The following ACTR6 variants were observed in gnomAD, a reference collection of about 807,000 sequenced individuals.
The protein encoded by ACTR6 is actin-related protein 6.
In ACTR6, 50 loss-of-function variants were observed where a neutral mutation model predicts 52.5. That is an observed-to-expected ratio of 0.95 (90% CI 0.76 to 1.20). ACTR6 has a LOEUF of 1.20. ACTR6 is among the 50% of genes most tolerant of loss of function. The pLI, the probability that ACTR6 is intolerant of heterozygous loss-of-function variation, is 0.00. For synonymous variants in ACTR6, 135 were observed against 147.2 expected, an observed-to-expected ratio of 0.92 and a Z score of 0.60; for missense variants, 344 against 472.4, an observed-to-expected ratio of 0.73 and a Z score of 2.52.
At chr12:100,210,954 G>A (rs1457883259) in intron 6 of ACTR6, among the ~76,000 whole-genome samples, 1 of 151,844 alleles carries the variant, frequency 6.6e-6, no homozygotes, top group Non-Finnish European at 1.5e-5. Flanking sequence ...GCTTTCCATC[G>A]CTATATGTTT....
At position 100,220,056 on chromosome 12, in the gene ACTR6, C is replaced by T. The variant is rs1470555661; in HGVS notation, c.971C>T (p.Ser324Phe). The T allele has an allele frequency of 1.2e-6, 2 of 1,613,750 alleles. No individual in the cohort carries two copies. ...AACATTGTCTTGACAGGAGGAAATTCCCTTTTCCCAGGATTTAGGGATCGG... is the reference window on the plus strand; with the variant it reads ...AACATTGTCTTGACAGGAGGAAATTTCCTTTTCCCAGGATTTAGGGATCGG... ...FKNIVLTGGN[S>F]LFPGFRDRVY... The change falls in exon 10 of 11, where the codon TCC (serine) becomes TTC (phenylalanine). Residue 324 changes from serine to phenylalanine, a missense_variant. Ser to Phe is a radical substitution (Grantham distance 155). Transcript: ENST00000188312.
chr12:100,201,221 C>T (rs1217614109), intron 1 of ACTR6, among the ~76,000 whole-genome samples: 1 of 152,200 alleles, frequency 6.6e-6, no homozygotes, highest in Non-Finnish European at 1.5e-5. Flanking sequence ...TAAAGTTCAT[C>T]AGCCTTTGGA....
intron 1 of ACTR6, chr12:100,204,317 C>G (rs2096112605): frequency 6.6e-6 from 1 of 152,246 alleles, no homozygotes; most frequent in East Asian, 1.9e-4. Flanking sequence ...AATATAGATG[C>G]TCATCACCAT....
At position 100,207,624 on chromosome 12, in the gene ACTR6, T is replaced by C. The variant is rs750366874; in HGVS notation, c.256-39T>C. ...ATGTAAAACAAGTGTTAATTATCAT[T>C]ACAAATTATGAAACATTTTGGAATG... On this transcript the variant is annotated intron_variant, in intron 3 of 10. Transcript: ENST00000188312. 10 of 1,381,872 alleles carry C rather than the reference T, an allele frequency of 7.2e-6. No homozygotes were observed. In the African/African-American group the frequency reaches 1.3e-4, roughly 18 times the overall value. The allele number at this position is 1,381,872 out of a possible 1,614,324, so 85.6% of individuals were successfully genotyped here. A position where few individuals can be genotyped will look rare whatever the true frequency, so the allele number is the denominator to read the frequency against.
At position 100,200,825 on chromosome 12, in the gene ACTR6, T is replaced by TA; in HGVS notation, c.-26dup. 1.2e-6 allele frequency: 2 copies of TA among 1,613,322 alleles called. No individual in the cohort carries two copies. Among genetic ancestry groups the TA allele is most frequent in the Non-Finnish European group, 1.7e-6 (2 of 1,179,294 alleles). On this transcript the variant is annotated 5_prime_UTR_variant, in exon 1 of 11. Coordinates refer to ENST00000188312, the MANE Select transcript of ACTR6 (RefSeq NM_022496.5). The stretch of plus-strand genomic sequence containing the variant: ...AGAGGGGTCGGAAAGGGAAAACAAC[T>TA]ACGGCTGCGGTGTGGTTGGTGGTGA...
intron 8 of ACTR6, among the ~76,000 whole-genome samples, chr12:100,213,786 A>G (rs1281423011): frequency 6.6e-6 from 1 of 152,244 alleles, no homozygotes; most frequent in African/African-American, 2.4e-5. Flanking sequence ...CAGCTCAGAT[A>G]AAATTACTTC....
At chr12:100,201,160 A>C in intron 1 of ACTR6, 1 of 1,092,348 alleles carries the variant, frequency 9.2e-7, no homozygotes, top group Non-Finnish European at 1.2e-6. Context: ...GTAACAGGAA[A>C]TAGCCAAAGA....
chr12:100,211,704 TA>T (rs1214829928), intron 6 of ACTR6, among the ~76,000 whole-genome samples: 1 of 152,160 alleles, frequency 6.6e-6, no homozygotes, highest in Non-Finnish European at 1.5e-5. Flanking sequence ...GCCATACATT[TA>T]GCCATTTTTT....
At chr12:100,214,087 C>T (rs2096122140) in intron 8 of ACTR6, among the ~76,000 whole-genome samples, 1 of 152,090 alleles carries the variant, frequency 6.6e-6, no homozygotes, top group Non-Finnish European at 1.5e-5. Flanking sequence ...CTGATTTTCA[C>T]AGAAAAGCAC....
intron 6 of ACTR6, among the ~76,000 whole-genome samples, chr12:100,211,621 T>TAA (rs1172567999): frequency 6.6e-6 from 1 of 151,702 alleles, no homozygotes; most frequent in East Asian, 1.9e-4. Flanking sequence ...CATGTCAGCT[T>TAA]AAAATATATA....
At chr12:100,209,476 A>G (rs146148593) in intron 4 of ACTR6, among the ~76,000 whole-genome samples, 391 of 152,322 alleles carry the variant, frequency 2.6e-3, no homozygotes, top group African/African-American at 9.0e-3. Context: ...TGCCATGATC[A>G]TTACCACCGG....
intron 1 of ACTR6, among the ~76,000 whole-genome samples, chr12:100,202,376 C>G (rs1361935144): frequency 2.0e-5 from 3 of 152,080 alleles, no homozygotes; most frequent in Non-Finnish European, 4.4e-5. Context: ...AAAATACAAC[C>G]TGAGACTGAT....
In ACTR6 at chr12:100,218,886, C is replaced by A; in HGVS notation, c.922+300C>A. ...CATTTTAGGAAAGTTTTAATTTAAC[C>A]CAGATCTGTACAGAATATAAATTTA... On this transcript the variant is annotated intron_variant, in intron 9 of 10. Transcript: ENST00000188312. This position sits in a 1 kb window ranked among gnomAD's most constrained non-coding sequence, Gnocchi z 4.2. Among the ~76,000 whole-genome samples, 1 of 151,702 alleles carries A rather than the reference C, an allele frequency of 6.6e-6. No individual in the cohort carries two copies.
intron 4 of ACTR6, 57 bp from the exon 5 acceptor site, chr12:100,210,016 T>C: frequency 2.0e-6 from 3 of 1,474,624 alleles, no homozygotes; most frequent in Non-Finnish European, 2.7e-6. Context: ...CCTACCTTTT[T>C]AATTGCTTTA....
At chr12:100,206,905 C>G (rs1041682947) in intron 3 of ACTR6, among the ~76,000 whole-genome samples, 4 of 150,112 alleles carry the variant, frequency 2.7e-5, no homozygotes, top group Non-Finnish European at 5.9e-5. Context: ...GTCTGGAACT[C>G]CTGACCTCAG....
rs1381610748 is a variant in ACTR6 at position 100,223,977 on chromosome 12, G to C, written c.*62G>C. 9.8e-6 allele frequency: 15 copies of C among 1,537,736 alleles called. No homozygotes were observed. Among genetic ancestry groups the C allele is most frequent in the Non-Finnish European group, 1.3e-5 (15 of 1,145,132 alleles). On this transcript the variant is annotated 3_prime_UTR_variant, in exon 11 of 11. Transcript: ENST00000188312. ...TAATTTCAAAGTTCCTTTTAAAAGA[G>C]GTTAAGGAACTGTGTTACCTTTTGT... is the stretch of plus-strand genomic sequence containing the variant.
intron 10 of ACTR6, chr12:100,221,608 A>G (rs534703317): frequency 6.6e-6 from 1 of 152,196 alleles, no homozygotes; most frequent in South Asian, 2.1e-4. Flanking sequence ...CTATTTTTAT[A>G]AAAGCTTAAT....
At chr12:100,203,643 ATCTT>A (rs1427667620) in intron 1 of ACTR6, 1 of 126,960 alleles carries the variant, frequency 7.9e-6, no homozygotes, top group Non-Finnish European at 1.6e-5. Flanking sequence ...TAACTTGTGA[ATCTT>A]TTTTTTTTTT....
chr12:100,219,160 TAAAA>T (rs563553340), intron 9 of ACTR6, among the ~76,000 whole-genome samples: 4 of 117,940 alleles, frequency 3.4e-5, no homozygotes. Flanking sequence ...TTCCTCTCAT[TAAAA>T]AAAAAAAAAA....
Sources: gnomAD v4.1 joint callset for allele counts (sites outside exome capture counted in the v4.1 genomes callset) on GRCh38, gnomAD v4.1.1 for gene constraint, Gnocchi (gnomAD v3.1) non-coding constraint, MANE v1.5 for transcripts, NCBI Gene and HGNC (gene_info 2026-07-23, HGNC 2026-07-21) for gene names.